The following NCKAP1L variants were observed in gnomAD, a reference collection of about 807,000 sequenced individuals.
NCKAP1L encodes NCK associated protein 1 like, also known as nck-associated protein 1-like.
In NCKAP1L, 53 loss-of-function variants were observed where a neutral mutation model predicts 139.2. The observed-to-expected ratio is 0.38, with a 90% CI of 0.31 to 0.48. The LOEUF is 0.48. Among genes scored for constraint, NCKAP1L ranks in the 20% least tolerant of loss-of-function variants. The pLI, the probability that NCKAP1L is intolerant of heterozygous loss-of-function variation, is 0.98. For synonymous variants in NCKAP1L, 468 were observed against 499.7 expected, an observed-to-expected ratio of 0.94 and a Z score of 0.85; for missense variants, 1,151 against 1,381.9, an observed-to-expected ratio of 0.83 and a Z score of 2.65.
intron 20 of NCKAP1L, among the ~76,000 whole-genome samples, chr12:54,524,430 G>A (rs906887631): frequency 1.3e-5 from 2 of 152,172 alleles, no homozygotes; most frequent in African/African-American, 4.8e-5. Context: ...ACATATGTTA[G>A]GCTTTAATAA....
At chr12:54,500,447 A>G in intron 2 of NCKAP1L, 86 bp from the exon 3 acceptor site, 1 of 926,394 alleles carries the variant, frequency 1.1e-6, no homozygotes, top group Non-Finnish European at 1.8e-6. Context: ...AGAATGTTTT[A>G]GGTATAACCA....
At chr12:54,504,094 G>A (rs1207019202) in intron 3 of NCKAP1L, among the ~76,000 whole-genome samples, 2 of 152,150 alleles carry the variant, frequency 1.3e-5, no homozygotes, top group African/African-American at 4.8e-5. Context: ...ATATAAAGAA[G>A]ATTGGAATTT....
chr12:54,516,825 C>T, intron 10 of NCKAP1L, 71 bp from the exon 11 acceptor site: 1 of 1,338,472 alleles, frequency 7.5e-7, no homozygotes, highest in Non-Finnish European at 1.1e-6. Flanking sequence ...ATATAGCTTT[C>T]TTCTGTGCTG....
rs60418317 is a variant in NCKAP1L, at chr12:54,505,444, C to CT, written c.307-2393dup. Among the ~76,000 whole-genome samples, 107 of 139,500 alleles carry CT rather than the reference C, an allele frequency of 7.7e-4. 1 individual carries two copies. Among genetic ancestry groups the CT allele is most frequent in the African/African-American group, 1.5e-3 (56 of 37,764 alleles). 91.5% of individuals were successfully genotyped at this position (139,500 alleles called of 152,430 possible). ...CCATCACCCCAAGGGTTCCTTGTGCCTTTTTTTTTTTTTTTTAGCTTCAGC... is the reference window on the plus strand; with the variant it reads ...CCATCACCCCAAGGGTTCCTTGTGCCTTTTTTTTTTTTTTTTTAGCTTCAGC... On this transcript the variant is annotated intron_variant, in intron 3 of 30. Coordinates refer to ENST00000293373, the MANE Select transcript of NCKAP1L (RefSeq NM_005337.5).
In NCKAP1L at chr12:54,536,139, T is replaced by C. The variant is rs754513964; in HGVS notation, c.2967T>C (p.Ser989=). The change falls in exon 28 of 31, where the codon TCT becomes TCC. Residue 989 remains serine, a synonymous_variant. Coordinates refer to ENST00000293373, the MANE Select transcript of NCKAP1L (RefSeq NM_005337.5). ...TTTCCCTCTCACCAGATACTTCATC[T>C]CCTGAGGAGGAATATAAGGTGGCCT... is the stretch of plus-strand genomic sequence containing the variant. ...AIANLKADTS[S]PEEEYKVACL... 11 of 1,612,306 alleles carry C rather than the reference T, an allele frequency of 6.8e-6. No individual in the cohort carries two copies. The South Asian group carries it at 1.2e-4, about 18-fold the overall frequency.
chr12:54,514,161 C>T (rs1956911649), intron 9 of NCKAP1L, among the ~76,000 whole-genome samples: 1 of 151,990 alleles, frequency 6.6e-6, no homozygotes, highest in Non-Finnish European at 1.5e-5. Context: ...TTATTTTTAA[C>T]AGTTGAATAA....
At chr12:54,504,547 G>A (rs148310142) in intron 3 of NCKAP1L, among the ~76,000 whole-genome samples, 27 of 152,320 alleles carry the variant, frequency 1.8e-4, no homozygotes, top group African/African-American at 6.0e-4. Context: ...TCTGGTTGCT[G>A]CAGTGGTAAA....
chr12:54,518,573 C>A (rs1232700636), intron 13 of NCKAP1L, 78 bp from the exon 14 acceptor site: 1 of 1,087,200 alleles, frequency 9.2e-7, no homozygotes, highest in Admixed American at 1.7e-5. Flanking sequence ...CCTTCATACG[C>A]TGACTGAGCC....
intron 24 of NCKAP1L, 29 bp downstream of exon 24, chr12:54,531,613 A>G (rs1175758538): frequency 6.2e-7 from 1 of 1,611,790 alleles, no homozygotes; most frequent in East Asian, 2.2e-5. Flanking sequence ...TATAGTGAGA[A>G]GGAGCTGTGG....
chr12:54,499,307 C>A, intron 1 of NCKAP1L, 48 bp from the exon 2 acceptor site: 2 of 1,038,218 alleles, frequency 1.9e-6, no homozygotes, highest in Non-Finnish European at 3.0e-6. Context: ...AGGTATGTTT[C>A]TGAGGAGGAG....
In NCKAP1L at chr12:54,497,904, A is replaced by T; in HGVS notation, c.102+13A>T. Reference sequence around the variant, plus strand: ...TAACATCAAGAAGGTAAGCATGAACAATGGGACTAGTACTGATTATTCCAA... The same window carrying T: ...TAACATCAAGAAGGTAAGCATGAACTATGGGACTAGTACTGATTATTCCAA... On this transcript the variant is annotated intron_variant, in intron 1 of 30. Coordinates refer to ENST00000293373, the MANE Select transcript of NCKAP1L (RefSeq NM_005337.5). 6.6e-7 allele frequency: 1 copy of T among 1,510,518 alleles called. No individual in the cohort carries two copies. Among genetic ancestry groups the T allele is most frequent in the Non-Finnish European group, 9.2e-7 (1 of 1,085,404 alleles). The allele number at this position is 1,510,518 out of a possible 1,614,324, so 93.6% of individuals were successfully genotyped here.
intron 1 of NCKAP1L, among the ~76,000 whole-genome samples, chr12:54,498,434 T>TG (rs71070823): frequency 6.0e-4 from 90 of 149,662 alleles, no homozygotes; most frequent in African/African-American, 1.7e-3. Flanking sequence ...TGTGTGTGTG[T>TG]TTAGAATAGG....
At chr12:54,535,390 C>G (rs1289609664) in intron 27 of NCKAP1L, among the ~76,000 whole-genome samples, 193 bp downstream of exon 27, 1 of 152,206 alleles carries the variant, frequency 6.6e-6, no homozygotes, top group Non-Finnish European at 1.5e-5. Context: ...CAGGTTTCAA[C>G]TAGTTGATCT....
chr12:54,531,189 C>A (rs1210785492), intron 22 of NCKAP1L, 71 bp from the exon 23 acceptor site: 3 of 1,153,796 alleles, frequency 2.6e-6, no homozygotes, highest in Non-Finnish European at 3.9e-6. Flanking sequence ...ATTCAAATTA[C>A]CCTATAGCTG....
At chr12:54,533,156 T>G (rs570778508) in intron 26 of NCKAP1L, among the ~76,000 whole-genome samples, 1 of 152,112 alleles carries the variant, frequency 6.6e-6, no homozygotes, top group Non-Finnish European at 1.5e-5. Flanking sequence ...TCTTGAAAGA[T>G]CTTTGATTTT....
At chr12:54,508,242 T>A (rs1041139675) in intron 4 of NCKAP1L, 147 bp from the exon 5 acceptor site, 1 of 907,802 alleles carries the variant, frequency 1.1e-6, no homozygotes, top group African/African-American at 1.7e-5. Context: ...TCCAATTTTC[T>A]TATTCTTCTT....
At chr12:54,527,506 A>T (rs1406878880) in intron 21 of NCKAP1L, among the ~76,000 whole-genome samples, 1 of 152,224 alleles carries the variant, frequency 6.6e-6, no homozygotes, top group African/African-American at 2.4e-5. Context: ...GCTCCACCTG[A>T]TTGCTGCCCT....
At chr12:54,533,901 T>C (rs1957094087) in intron 26 of NCKAP1L, among the ~76,000 whole-genome samples, 1 of 152,228 alleles carries the variant, frequency 6.6e-6, no homozygotes, top group African/African-American at 2.4e-5. Context: ...AGATACTTAG[T>C]TGTCCAGTAT....
At chr12:54,517,052 C>T (rs1956938680) in intron 11 of NCKAP1L, 60 bp downstream of exon 11, 18 of 1,474,814 alleles carry the variant, frequency 1.2e-5, no homozygotes, top group Non-Finnish European at 1.6e-5. Flanking sequence ...TGTGTAGCTA[C>T]GTGGCACTCA....
Sources: gnomAD v4.1 joint callset for allele counts (sites outside exome capture counted in the v4.1 genomes callset) on GRCh38, gnomAD v4.1.1 for gene constraint, MANE v1.5 for transcripts, NCBI Gene and HGNC (gene_info 2026-07-23, HGNC 2026-07-21) for gene names.